The following ANKRD31 variants were observed in gnomAD, a reference collection of about 807,000 sequenced individuals.
The protein encoded by ANKRD31 is ankyrin repeat domain 31.
ANKRD31 carries 147 observed loss-of-function variants against 186.0 expected under a neutral mutation model. That is an observed-to-expected ratio of 0.79 (90% CI 0.69 to 0.91). The LOEUF is 0.91. Among genes scored for constraint, ANKRD31 ranks in the 40% least tolerant of loss-of-function variants. The pLI is 0.00. For synonymous variants in ANKRD31, 673 were observed against 736.4 expected (o/e 0.91, Z 1.39); for missense variants, 1,986 against 2,148.8 (o/e 0.92, Z 1.50).
At chr5:75,184,553 AAAT>A (rs965615342) in intron 10 of ANKRD31, among the ~76,000 whole-genome samples, 145 of 151,996 alleles carry the variant, frequency 9.5e-4, no homozygotes, top group African/African-American at 3.4e-3. Flanking sequence ...AATAGCCAAA[AAAT>A]AATAATAATA....
chr5:75,216,108 C>G (rs746371101), intron 3 of ANKRD31, among the ~76,000 whole-genome samples: 25 of 152,070 alleles, frequency 1.6e-4, no homozygotes, highest in Non-Finnish European at 3.5e-4. Context: ...AACCAAATAT[C>G]CAATACTTCA....
At chr5:75,157,892 C>T (rs980147041) in intron 11 of ANKRD31, among the ~76,000 whole-genome samples, 9 of 152,154 alleles carry the variant, frequency 5.9e-5, no homozygotes, top group Non-Finnish European at 1.3e-4. Flanking sequence ...TACTCACCTG[C>T]AAATGTATGC....
At chr5:75,089,181 G>C (rs1008848813) in intron 23 of ANKRD31, among the ~76,000 whole-genome samples, 1 of 152,140 alleles carries the variant, frequency 6.6e-6, no homozygotes, top group East Asian at 1.9e-4. Flanking sequence ...TTGGTCTGCT[G>C]CCTCCCACCC....
intron 17 of ANKRD31, among the ~76,000 whole-genome samples, chr5:75,131,669 C>G (rs113521297): frequency 1.3e-5 from 2 of 152,132 alleles, no homozygotes; most frequent in African/African-American, 2.4e-5. Context: ...TAGTGGTTCT[C>G]CCAGCATGGA....
chr5:75,093,475 T>C (rs1325148995), intron 22 of ANKRD31, among the ~76,000 whole-genome samples: 1 of 151,772 alleles, frequency 6.6e-6, no homozygotes, highest in Non-Finnish European at 1.5e-5. Context: ...AGACCAAAAC[T>C]GTGTCACAAC....
Position 75,147,036 on chromosome 5 carries a change from C to A in ANKRD31, c.2375G>T (p.Arg792Ile), listed in dbSNP as rs991493302. The change falls in exon 14 of 26, where the codon AGA becomes ATA. Residue 792 changes from arginine (R) to isoleucine (I), a missense_variant. Transcript: ENST00000506364. ...EPSSLTLSSL[R>I]NGLDSSTEAC... ...CTCAGTACTGCTATCTAATCCATTT[C>A]TCAGGCTTGACAGAGTTAAGCTGGA... is the stretch of plus-strand genomic sequence containing the variant. The A allele has an allele frequency of 3.3e-6, 5 of 1,536,350 alleles. No homozygotes were observed. The highest frequency in any genetic ancestry group is 4.4e-6 in the Non-Finnish European group (5 of 1,146,320).
At chr5:75,083,515 G>C (rs553592033) in intron 24 of ANKRD31, among the ~76,000 whole-genome samples, 185 of 152,224 alleles carry the variant, frequency 1.2e-3, no homozygotes, top group Non-Finnish European at 2.2e-3. Context: ...GATCACCTGA[G>C]GTCAGGAATT....
chr5:75,131,294 C>A (rs1198208934), intron 17 of ANKRD31, among the ~76,000 whole-genome samples: 1 of 152,184 alleles, frequency 6.6e-6, no homozygotes, highest in Non-Finnish European at 1.5e-5. Flanking sequence ...CGAGGAGGCA[C>A]CGAGAGCGAG....
intron 4 of ANKRD31, among the ~76,000 whole-genome samples, chr5:75,209,015 G>A (rs753120979): frequency 3.9e-5 from 6 of 152,164 alleles, no homozygotes; most frequent in South Asian, 2.1e-4. Flanking sequence ...GGTAGAGGAC[G>A]CTTTCCCCCT....
At chr5:75,189,838 A>G (rs892362472) in intron 9 of ANKRD31, among the ~76,000 whole-genome samples, 3 of 152,146 alleles carry the variant, frequency 2.0e-5, no homozygotes, top group Admixed American at 2.0e-4. Context: ...CTTTCTATGC[A>G]TTTATTGAGA....
intron 16 of ANKRD31, 39 bp from the exon 17 acceptor site, chr5:75,138,037 G>A (rs1268361465): frequency 1.6e-5 from 23 of 1,418,986 alleles, no homozygotes; most frequent in Admixed American, 3.0e-5. Flanking sequence ...CCTGCTTCAT[G>A]CGAATCAATA....
intron 3 of ANKRD31, among the ~76,000 whole-genome samples, chr5:75,214,589 G>C (rs896600806): frequency 9.9e-5 from 15 of 152,274 alleles, no homozygotes; most frequent in African/African-American, 3.6e-4. Flanking sequence ...TGCCAGCCCT[G>C]ATCCTTCTTC....
chr5:75,231,467 A>G (rs1757946630), intron 1 of ANKRD31, among the ~76,000 whole-genome samples: 1 of 152,192 alleles, frequency 6.6e-6, no homozygotes, highest in Admixed American at 6.5e-5. Flanking sequence ...CTTGCCCCCA[A>G]GAAGCTCCAA....
intron 17 of ANKRD31, among the ~76,000 whole-genome samples, chr5:75,136,985 TG>T (rs1256574065): frequency 2.1e-5 from 3 of 145,570 alleles, no homozygotes; most frequent in Non-Finnish European, 3.0e-5. Flanking sequence ...GGACACAGGG[TG>T]GGGAACATCA....
chr5:75,195,501 A>C (rs753546985), intron 7 of ANKRD31, 130 bp downstream of exon 7: 19 of 751,946 alleles, frequency 2.5e-5, no homozygotes, highest in African/African-American at 5.3e-5. Context: ...AACTTGTTGA[A>C]GTTTAAAAGG....
chr5:75,100,309 C>G (rs918392979), intron 22 of ANKRD31, among the ~76,000 whole-genome samples: 38 of 152,166 alleles, frequency 2.5e-4, no homozygotes. Flanking sequence ...AAATTCCATT[C>G]TTTTACATTT....
chr5:75,181,910 A>T (rs904614461), intron 10 of ANKRD31, among the ~76,000 whole-genome samples: 1 of 151,860 alleles, frequency 6.6e-6, no homozygotes, highest in Non-Finnish European at 1.5e-5. Context: ...AAAAGAAGCC[A>T]CATGTTGAAC....
intron 25 of ANKRD31, among the ~76,000 whole-genome samples, chr5:75,072,201 T>C (rs1267253691): frequency 6.6e-6 from 1 of 152,238 alleles, no homozygotes; most frequent in African/African-American, 2.4e-5. Flanking sequence ...TTAACAATCA[T>C]AGGCAATGTG....
chr5:75,197,083 G>A (rs1755518121), intron 6 of ANKRD31, among the ~76,000 whole-genome samples: 1 of 151,940 alleles, frequency 6.6e-6, no homozygotes, highest in African/African-American at 2.4e-5. Flanking sequence ...TGTACTTTTA[G>A]GAGAGATGGG....
Sources: gnomAD v4.1 joint callset for allele counts (sites outside exome capture counted in the v4.1 genomes callset) on GRCh38, gnomAD v4.1.1 for gene constraint, MANE v1.5 for transcripts, NCBI Gene and HGNC (gene_info 2026-07-23, HGNC 2026-07-21) for gene names.